The following DPYSL2 variants were observed in gnomAD, a reference collection of about 807,000 sequenced individuals.
DPYSL2 encodes dihydropyrimidinase like 2.
DPYSL2 carries 13 observed loss-of-function variants against 69.9 expected under a neutral mutation model. The ratio of observed to expected loss-of-function variants is 0.19; its 90% CI spans 0.12 to 0.30. DPYSL2 has a LOEUF of 0.30. DPYSL2 is among the 10% of genes least tolerant of loss of function. DPYSL2 has a pLI of 1.00. For missense variants in DPYSL2, 587 were observed against 918.9 expected (o/e 0.64, Z 4.67); for synonymous variants, 326 against 359.1 (o/e 0.91, Z 1.04).
chr8:26,609,809 T>G lies in DPYSL2; in HGVS notation c.629-14334T>G, dbSNP rs1287242660. Among the ~76,000 whole-genome samples, 1 of 152,162 alleles carries G rather than the reference T, an allele frequency of 6.6e-6. No individual in the cohort carries two copies. Among genetic ancestry groups the G allele is most frequent in the African/African-American group, 2.4e-5 (1 of 41,442 alleles). On this transcript the variant is annotated intron_variant, in intron 3 of 13. Transcript: ENST00000521913. The surrounding 1 kb of genome is among the most constrained non-coding windows in gnomAD (Gnocchi z 6.5). ...GCCACTCATTACTTCTCTGCACTCTTTCTGTAATTTGTTCATCGCCTGGAA... is the reference window on the plus strand; with the variant it reads ...GCCACTCATTACTTCTCTGCACTCTGTCTGTAATTTGTTCATCGCCTGGAA...
At position 26,658,080 on chromosome 8, in the gene DPYSL2, A is replaced by G. The variant is rs944518877; in HGVS notation, c.*2374A>G. ...TAACCACTGTCTTGATGGCAAAATA[A>G]TTATGGTAAAAAACAAGTCTCGTGT... On this transcript the variant is annotated 3_prime_UTR_variant, in exon 14 of 14. Transcript: ENST00000521913. The surrounding 1 kb of genome is among the most constrained non-coding windows in gnomAD (Gnocchi z 4.7). 6.6e-6 allele frequency: 1 copy of G among 152,582 alleles called. No homozygotes were observed. Among genetic ancestry groups the G allele is most frequent in the Non-Finnish European group, 1.5e-5 (1 of 68,020 alleles). The allele number at this position is 152,582 out of a possible 1,614,324, so 9.5% of individuals were successfully genotyped here.
chr8:26,589,405 C>G (rs1010196116), intron 3 of DPYSL2, among the ~76,000 whole-genome samples: 1 of 152,228 alleles, frequency 6.6e-6, no homozygotes, highest in Non-Finnish European at 1.5e-5. Flanking sequence ...CCTGGGCAGC[C>G]TCACTCCTCA....
intron 7 of DPYSL2, among the ~76,000 whole-genome samples, chr8:26,630,463 G>A (rs1802743877): frequency 6.6e-6 from 1 of 152,202 alleles, no homozygotes; most frequent in Non-Finnish European, 1.5e-5. Context: ...TCCGGGAGAG[G>A]TGGAGGGCTG....
intron 3 of DPYSL2, among the ~76,000 whole-genome samples, chr8:26,603,790 C>A (rs992148519): frequency 2.6e-5 from 4 of 152,136 alleles, no homozygotes; most frequent in Admixed American, 2.0e-4. Flanking sequence ...CCCAAGTTCA[C>A]CTATGTGATA....
At chr8:26,549,120 C>T (rs548020532) in intron 1 of DPYSL2, among the ~76,000 whole-genome samples, 7 of 151,082 alleles carry the variant, frequency 4.6e-5, no homozygotes, top group East Asian at 2.0e-4. Flanking sequence ...ACCCAGGAGG[C>T]GGAGGCTGCA....
intron 1 of DPYSL2, among the ~76,000 whole-genome samples, chr8:26,535,726 G>C (rs1459209658): frequency 6.6e-6 from 1 of 151,934 alleles, no homozygotes; most frequent in Middle Eastern, 3.4e-3. Flanking sequence ...TGGTCAAGAT[G>C]ATATTGTTAA....
rs910295672 is a variant in DPYSL2, at chr8:26,656,744, G to A, written c.*1038G>A. 11 of 152,718 alleles carry A rather than the reference G, an allele frequency of 7.2e-5. No homozygotes were observed. The highest frequency in any genetic ancestry group is 1.5e-4 in the Non-Finnish European group (10 of 68,126). The allele number at this position is 152,718 out of a possible 1,614,324, so 9.5% of individuals were successfully genotyped here. A position where few individuals can be genotyped will look rare whatever the true frequency, so the allele number is the denominator to read the frequency against. On this transcript the variant is annotated 3_prime_UTR_variant, in exon 14 of 14. Transcript: ENST00000521913. ...CCATCATGAGGATGTGTGCTAGAGTGTGGGACCCTGGCCAAGTGCAGGAAT... is the reference window on the plus strand; with the variant it reads ...CCATCATGAGGATGTGTGCTAGAGTATGGGACCCTGGCCAAGTGCAGGAAT...
Position 26,577,106 on chromosome 8 carries a change from T to C in DPYSL2, c.355-4863T>C, listed in dbSNP as rs939966895. 3 of 439,806 alleles carry C rather than the reference T, an allele frequency of 6.8e-6. No individual in the cohort carries two copies. The Admixed American group carries it at 7.2e-5, about 11-fold the overall frequency. The allele number at this position is 439,806 out of a possible 1,614,324, so 27.2% of individuals were successfully genotyped here. A position where few individuals can be genotyped will look rare whatever the true frequency, so the allele number is the denominator to read the frequency against. ...CGGGGTTTCCCATACCCCGCAGCCT[T>C]CCCCGGATGCCTCCTTCCCGGCTCG... On this transcript the variant is annotated intron_variant, in intron 1 of 13. Transcript: ENST00000521913.
chr8:26,559,662 CAATT>C lies in DPYSL2; in HGVS notation c.355-22304_355-22301del, dbSNP rs531839523. 9.9e-4 allele frequency among the ~76,000 whole-genome samples: 151 copies of C among 152,264 alleles called. 1 individual carries two copies. Among genetic ancestry groups the C allele is most frequent in the African/African-American group, 3.4e-3 (142 of 41,552 alleles). On this transcript the variant is annotated intron_variant, in intron 1 of 13. Coordinates refer to ENST00000521913, the MANE Select transcript of DPYSL2 (RefSeq NM_001197293.3). Reference sequence around the variant, plus strand: ...AATGTTCATCTTTATGATTCATAAACAATTAAGGATATTAACTCGTAGGTTTCAA... The same window carrying C: ...AATGTTCATCTTTATGATTCATAAACAAGGATATTAACTCGTAGGTTTCAA...
chr8:26,522,308 A>AAAACAAACAAACAAAC (rs60448291), intron 1 of DPYSL2, among the ~76,000 whole-genome samples: 13 of 151,206 alleles, frequency 8.6e-5, no homozygotes, highest in African/African-American at 2.9e-4. Flanking sequence ...ACTCTGTCTC[A>AAAACAAACAAACAAAC]AAACAAACAA....
chr8:26,556,108 A>ATATATATAC (rs1247776578), intron 1 of DPYSL2, among the ~76,000 whole-genome samples: 553 of 24,606 alleles, frequency 0.022, 154 homozygotes, highest in Middle Eastern at 0.077. Context: ...TATATATAGT[A>ATATATATAC]TATATATACT....
chr8:26,572,112 G>T (rs905927531), intron 1 of DPYSL2, among the ~76,000 whole-genome samples: 1 of 152,066 alleles, frequency 6.6e-6, no homozygotes, highest in Non-Finnish European at 1.5e-5. Flanking sequence ...GCCACCTCTG[G>T]GCTCTGTTTT....
rs961328728 is a variant in DPYSL2 at position 26,621,067 on chromosome 8, G to A, written c.629-3076G>A. Among the ~76,000 whole-genome samples the A allele has an allele frequency of 6.6e-6, 1 of 151,708 alleles. No homozygotes were observed. The highest frequency in any genetic ancestry group is 2.4e-5 in the African/African-American group (1 of 41,236). On this transcript the variant is annotated intron_variant, in intron 3 of 13. Coordinates refer to ENST00000521913, the MANE Select transcript of DPYSL2 (RefSeq NM_001197293.3). This position sits in a 1 kb window ranked among gnomAD's most constrained non-coding sequence, Gnocchi z 4.9. ...GCTTTATCTTGCATTACTCTTTCTGGTTTATCACATTTTCTTGTATTTTAT... is the reference window on the plus strand; with the variant it reads ...GCTTTATCTTGCATTACTCTTTCTGATTTATCACATTTTCTTGTATTTTAT...
chr8:26,643,584 C>G lies in DPYSL2; in HGVS notation c.1272C>G (p.Ser424=), dbSNP rs779903275. The G allele has an allele frequency of 6.2e-7, 1 of 1,614,208 alleles. No individual in the cohort carries two copies. The highest frequency in any genetic ancestry group is 2.2e-5 in the East Asian group (1 of 44,882). The change falls in exon 9 of 14, where the codon TCC becomes TCG. Residue 424 remains serine, a synonymous_variant. Coordinates refer to ENST00000521913, the MANE Select transcript of DPYSL2 (RefSeq NM_001197293.3). This position sits in a 1 kb window ranked among gnomAD's most constrained non-coding sequence, Gnocchi z 6.5. ...PDPTTPDFLN[S]LLSCGDLQVT... is the part of the protein sequence containing the mutation. ...CAACCACTCCAGACTTTCTCAACTC[C>G]TTGCTGTCCTGGTGAGTCCTGGCGA...
At chr8:26,634,733 G>T (rs201884725) in intron 7 of DPYSL2, 47 bp from the exon 8 acceptor site, 4 of 1,570,460 alleles carry the variant, frequency 2.5e-6, no homozygotes, top group Non-Finnish European at 3.4e-6. Context: ...GTAGCGGCTC[G>T]TGGGGTGGGC....
chr8:26,577,275 C>T (rs1401387701), intron 1 of DPYSL2: 4 of 347,284 alleles, frequency 1.2e-5, no homozygotes, highest in African/African-American at 6.9e-5. Flanking sequence ...GGGAAGCAGC[C>T]GCCCTCTCCG....
intron 3 of DPYSL2, among the ~76,000 whole-genome samples, chr8:26,595,092 A>G (rs1261026242): frequency 6.6e-6 from 1 of 152,068 alleles, no homozygotes; most frequent in African/African-American, 2.4e-5. Flanking sequence ...GCGTGGTGAC[A>G]CATACCTGTA....
rs980802041 is a variant in DPYSL2 at position 26,627,731 on chromosome 8, A to G, written c.937-141A>G. 7 of 802,318 alleles carry G rather than the reference A, an allele frequency of 8.7e-6. No homozygotes were observed. The South Asian group carries it at 1.1e-4, about 13-fold the overall frequency. 49.7% of individuals were successfully genotyped at this position (802,318 alleles called of 1,614,324 possible). A position where few individuals can be genotyped will look rare whatever the true frequency, so the allele number is the denominator to read the frequency against. On this transcript the variant is annotated intron_variant, in intron 6 of 13. Coordinates refer to ENST00000521913, the MANE Select transcript of DPYSL2 (RefSeq NM_001197293.3). This position sits in a 1 kb window ranked among gnomAD's most constrained non-coding sequence, Gnocchi z 6.9. ...AACAGGGCAGTGAACCCTTCTCTTC[A>G]TGAGGTCTTGGGATGAGGGCAGAAC...
Position 26,647,627 on chromosome 8 carries a change from C to G in DPYSL2, c.1426-3C>G. 1 of 1,610,880 alleles carries G rather than the reference C, an allele frequency of 6.2e-7. No homozygotes were observed. Among genetic ancestry groups the G allele is most frequent in the Non-Finnish European group, 8.5e-7 (1 of 1,178,572 alleles). ...CTGTGCACACCTATGCTGTCTCCCT[C>G]AGGTCACTGGGAAGATGGATGAGAA... On this transcript the variant is annotated splice_polypyrimidine_tract_variant and splice_region_variant and intron_variant, in intron 10 of 13. Coordinates refer to ENST00000521913, the MANE Select transcript of DPYSL2 (RefSeq NM_001197293.3). This position sits in a 1 kb window ranked among gnomAD's most constrained non-coding sequence, Gnocchi z 5.1.
Sources: gnomAD v4.1 joint callset for allele counts (sites outside exome capture counted in the v4.1 genomes callset) on GRCh38, gnomAD v4.1.1 for gene constraint, Gnocchi (gnomAD v3.1) non-coding constraint, MANE v1.5 for transcripts, NCBI Gene and HGNC (gene_info 2026-07-23, HGNC 2026-07-21) for gene names.